Variants in ASTN2 observed in about 807,000 individuals in gnomAD.
ASTN2 encodes astrotactin-2.
Under a neutral mutation model 139.8 loss-of-function variants are expected in ASTN2, and 54 were observed. That is an observed-to-expected ratio of 0.39 (90% CI 0.31 to 0.48). The LOEUF is 0.48. Ranked by LOEUF, ASTN2 falls within the 20% of genes least tolerant of loss-of-function variation. ASTN2 has a pLI of 0.95. For synonymous variants in ASTN2, 756 were observed against 719.5 expected, an observed-to-expected ratio of 1.05 and a Z score of -0.81; for missense variants, 1,565 against 1,725.1, an observed-to-expected ratio of 0.91 and a Z score of 1.64.
At chr9:116,967,126 A>G (rs1564363792) in intron 10 of ASTN2, among the ~76,000 whole-genome samples, 1 of 152,232 alleles carries the variant, frequency 6.6e-6, no homozygotes, top group Non-Finnish European at 1.5e-5. Context: ...AGCACTTAAG[A>G]CATTGACACC....
intron 13 of ASTN2, among the ~76,000 whole-genome samples, chr9:116,804,396 A>T (rs1185936604): frequency 6.6e-6 from 1 of 152,164 alleles, no homozygotes; most frequent in Non-Finnish European, 1.5e-5. Flanking sequence ...AAATGAAATT[A>T]TCTTGGCTCT....
chr9:117,341,441 T>A, intron 1 of ASTN2, among the ~76,000 whole-genome samples: 1 of 151,458 alleles, frequency 6.6e-6, no homozygotes, highest in African/African-American at 2.4e-5. Flanking sequence ...GAGCAGGAGG[T>A]TAAGAAAACA....
At chr9:116,753,923 C>A (rs1829468040) in intron 13 of ASTN2, among the ~76,000 whole-genome samples, 1 of 151,628 alleles carries the variant, frequency 6.6e-6, no homozygotes, top group African/African-American at 2.4e-5. Context: ...TTACATATTT[C>A]TCCTAACTCT....
chr9:117,362,487 T>A (rs1279933114), intron 1 of ASTN2, among the ~76,000 whole-genome samples: 4 of 151,878 alleles, frequency 2.6e-5, no homozygotes, highest in Non-Finnish European at 5.9e-5. Context: ...TAGGTCAGGG[T>A]ATTTATTATC....
intron 2 of ASTN2, among the ~76,000 whole-genome samples, chr9:117,257,329 A>G (rs770748907): frequency 6.6e-6 from 1 of 152,226 alleles, no homozygotes; most frequent in Non-Finnish European, 1.5e-5. Flanking sequence ...ACATGGAAGG[A>G]AAAGTAGATT....
At chr9:116,990,392 G>A (rs1291607181) in intron 7 of ASTN2, among the ~76,000 whole-genome samples, 4 of 151,708 alleles carry the variant, frequency 2.6e-5, no homozygotes, top group African/African-American at 9.7e-5. Flanking sequence ...TCCGCCTCCC[G>A]AGTAGCTGGG....
intron 17 of ASTN2, 129 bp downstream of exon 17, chr9:116,651,399 G>T: frequency 1.9e-6 from 2 of 1,061,868 alleles, no homozygotes; most frequent in East Asian, 5.0e-5. Context: ...ATCAATAAAT[G>T]CTAGTAATCA....
chr9:116,694,479 T>TTTTTG (rs1860735960), intron 16 of ASTN2, among the ~76,000 whole-genome samples: 1 of 145,006 alleles, frequency 6.9e-6, no homozygotes, highest in African/African-American at 2.7e-5. Context: ...TTTTTTTTTT[T>TTTTTG]GAGATGGAGT....
chr9:117,170,588 T>C (rs10818005), intron 3 of ASTN2, among the ~76,000 whole-genome samples: 19,714 of 152,066 alleles, frequency 0.13, 1,506 homozygotes, highest in Middle Eastern at 0.18. Flanking sequence ...GAAGCATGAA[T>C]TGCTGGAGTG....
chr9:116,617,554 T>A (rs959122972), intron 19 of ASTN2, among the ~76,000 whole-genome samples: 1 of 152,198 alleles, frequency 6.6e-6, no homozygotes, highest in Non-Finnish European at 1.5e-5. Context: ...TAACCTTGGA[T>A]TAATCTCAAT....
intron 2 of ASTN2, among the ~76,000 whole-genome samples, chr9:117,271,446 C>A (rs1834061232): frequency 6.6e-6 from 1 of 152,130 alleles, no homozygotes; most frequent in Admixed American, 6.5e-5. Context: ...TCATTCCGCC[C>A]CTGACCCCTC....
At chr9:116,906,952 T>G (rs1358858622) in intron 10 of ASTN2, among the ~76,000 whole-genome samples, 1 of 152,188 alleles carries the variant, frequency 6.6e-6, no homozygotes, top group Non-Finnish European at 1.5e-5. Flanking sequence ...CCCTGTGTAG[T>G]ATTTGTCCAT....
At position 116,941,656 on chromosome 9, in the gene ASTN2, C is replaced by T. The variant is rs1323995813; in HGVS notation, c.1889+33552G>A. 2.0e-5 allele frequency among the ~76,000 whole-genome samples: 3 copies of T among 150,848 alleles called. No homozygotes were observed. In the East Asian group the frequency reaches 5.8e-4, roughly 29 times the overall value. On this transcript the variant is annotated intron_variant, in intron 10 of 22. Coordinates refer to ENST00000313400, the MANE Select transcript of ASTN2 (RefSeq NM_001365068.1). ...AATAATGCTTGACAAAATAATTGAG[C>T]ATCTCCATGGGCCAGTATAGTTGAC...
At chr9:117,230,913 G>A (rs1171459649) in intron 2 of ASTN2, among the ~76,000 whole-genome samples, 1 of 152,106 alleles carries the variant, frequency 6.6e-6, no homozygotes, top group Non-Finnish European at 1.5e-5. Context: ...TTAAGACAGA[G>A]CTTGTGTATC....
At chr9:117,043,939 AAG>A (rs1838658777) in intron 5 of ASTN2, among the ~76,000 whole-genome samples, 1 of 151,828 alleles carries the variant, frequency 6.6e-6, no homozygotes, top group Non-Finnish European at 1.5e-5. Context: ...GAAAAGAAAA[AAG>A]AAAAAACAAA....
rs190643064 is a variant in ASTN2 at position 117,047,546 on chromosome 9, C to T, written c.1277-7581G>A. Reference sequence around the variant, plus strand: ...ATACTTCCAGAGAAAGAAAACTCAACCCCTACTAAGCATCAGTTCTATTCT... The same window carrying T: ...ATACTTCCAGAGAAAGAAAACTCAATCCCTACTAAGCATCAGTTCTATTCT... On this transcript the variant is annotated intron_variant, in intron 5 of 22. Coordinates refer to ENST00000313400, the MANE Select transcript of ASTN2 (RefSeq NM_001365068.1). 4.1e-4 allele frequency among the ~76,000 whole-genome samples: 62 copies of T among 152,268 alleles called. No individual in the cohort carries two copies. The East Asian group carries it at 0.012, about 29-fold the overall frequency.
At chr9:117,354,693 C>T (rs1235183492) in intron 1 of ASTN2, among the ~76,000 whole-genome samples, 1 of 151,888 alleles carries the variant, frequency 6.6e-6, no homozygotes, top group Non-Finnish European at 1.5e-5. Context: ...TCCATCCCTC[C>T]TCCTTCCCTC....
chr9:116,533,077 T>C (rs187072895), intron 19 of ASTN2, among the ~76,000 whole-genome samples: 1 of 152,348 alleles, frequency 6.6e-6, no homozygotes, highest in African/African-American at 2.4e-5. Context: ...TTCCTTCACA[T>C]CCCTTGTAAG....
At chr9:117,006,721 C>T (rs1360516006) in intron 7 of ASTN2, among the ~76,000 whole-genome samples, 2 of 152,116 alleles carry the variant, frequency 1.3e-5, no homozygotes, top group East Asian at 3.9e-4. Context: ...GTATACAAGG[C>T]CCTGAGGACC....
Sources: allele counts gnomAD v4.1 joint callset (sites outside exome capture counted in the v4.1 genomes callset), GRCh38; gene constraint gnomAD v4.1.1; transcripts MANE v1.5; gene names NCBI Gene and HGNC (gene_info 2026-07-23, HGNC 2026-07-21).